CNTN6: variants seen among roughly 807,000 people sequenced by gnomAD.
CNTN6 encodes the protein contactin 6.
A neutral mutation model predicts 122.8 loss-of-function variants in CNTN6; 137 were observed. The observed-to-expected ratio is 1.12, with a 90% confidence interval of 0.97 to 1.29. The LOEUF (loss-of-function observed/expected upper bound fraction) is 1.29. CNTN6 is among the 50% of genes most tolerant of loss of function. The pLI is 0.00. For synonymous variants in CNTN6, 570 were observed against 426.0 expected (o/e 1.34, Z -4.16); for missense variants, 1,634 against 1,223.4 (o/e 1.34, Z -5.01).
chr3:1,277,073 A>C (rs1210848636), intron 4 of CNTN6, among the ~76,000 whole-genome samples: 1 of 152,176 alleles, frequency 6.6e-6, no homozygotes, highest in Non-Finnish European at 1.5e-5. Flanking sequence ...GCTGCAAAGA[A>C]ATCTGGGAAA....
At chr3:1,260,142 A>G (rs776244678) in intron 4 of CNTN6, among the ~76,000 whole-genome samples, 1 of 152,192 alleles carries the variant, frequency 6.6e-6, no homozygotes, top group Non-Finnish European at 1.5e-5. Flanking sequence ...ATTTGCTGAT[A>G]GAAAGACAAC....
chr3:1,322,034 A>T (rs537732625), intron 8 of CNTN6, among the ~76,000 whole-genome samples, 200 bp downstream of exon 8: 1 of 151,834 alleles, frequency 6.6e-6, no homozygotes, highest in East Asian at 1.9e-4. Flanking sequence ...AGCATGGTCT[A>T]TGAATGCTAT....
At chr3:1,301,122 C>T (rs577944050) in intron 7 of CNTN6, among the ~76,000 whole-genome samples, 36 of 149,752 alleles carry the variant, frequency 2.4e-4, no homozygotes, top group South Asian at 2.1e-4. Context: ...CTGCAACCTC[C>T]GCGTCCCCGG....
intron 4 of CNTN6, among the ~76,000 whole-genome samples, chr3:1,277,929 G>T (rs187864988): frequency 1.8e-4 from 28 of 152,116 alleles, no homozygotes; most frequent in Admixed American, 1.8e-3. Context: ...AGAGAAAATT[G>T]AAAATACACT....
chr3:1,268,994 TA>T (rs945665539), intron 4 of CNTN6, among the ~76,000 whole-genome samples: 38 of 152,174 alleles, frequency 2.5e-4, no homozygotes, highest in Middle Eastern at 6.8e-3. Context: ...AGTTATAAAA[TA>T]AATAAAATAA....
At chr3:1,148,486 AT>A (rs2092771336) in intron 2 of CNTN6, among the ~76,000 whole-genome samples, 1 of 152,096 alleles carries the variant, frequency 6.6e-6, no homozygotes, top group Non-Finnish European at 1.5e-5. Flanking sequence ...AGAAATTGAT[AT>A]GGCAAAAAAA....
At position 1,268,679 on chromosome 3, in the gene CNTN6, T is replaced by A. The variant is rs147338650; in HGVS notation, c.359-9734T>A. 6.9e-3 allele frequency among the ~76,000 whole-genome samples: 1,043 copies of A among 151,852 alleles called. 10 individuals are homozygous for A. The highest frequency in any genetic ancestry group is 0.024 in the African/African-American group (1,000 of 41,350). On this transcript the variant is annotated intron_variant, in intron 4 of 22. Coordinates refer to ENST00000446702, the MANE Select transcript of CNTN6 (RefSeq NM_001289080.2). ...AAATTCACATATTTTTGACTTTAGG[T>A]CTCCTTTTTGTTTTTTTCCATTCAT...
At chr3:1,289,961 A>ACC (rs1419486356) in intron 5 of CNTN6, among the ~76,000 whole-genome samples, 62 of 152,198 alleles carry the variant, frequency 4.1e-4, no homozygotes, top group African/African-American at 1.3e-3. Flanking sequence ...GGCGTGAGCC[A>ACC]ATGCGCCCGG....
chr3:1,249,792 T>A (rs1377500610), intron 4 of CNTN6, among the ~76,000 whole-genome samples: 1 of 152,218 alleles, frequency 6.6e-6, no homozygotes, highest in Non-Finnish European at 1.5e-5. Flanking sequence ...GGTATGTCCC[T>A]TGAGCACAAA....
chr3:1,145,048 T>C (rs922361753), intron 1 of CNTN6, among the ~76,000 whole-genome samples: 6 of 152,198 alleles, frequency 3.9e-5, no homozygotes, highest in Non-Finnish European at 7.3e-5. Flanking sequence ...GGTCTATGTG[T>C]ATTATAACCC....
At chr3:1,243,183 G>A (rs2094511181) in intron 4 of CNTN6, among the ~76,000 whole-genome samples, 1 of 152,140 alleles carries the variant, frequency 6.6e-6, no homozygotes, top group African/African-American at 2.4e-5. Flanking sequence ...GATTTTCAGT[G>A]GGTTCCTGCA....
At chr3:1,158,356 A>C (rs1319495606) in intron 2 of CNTN6, among the ~76,000 whole-genome samples, 4 of 151,974 alleles carry the variant, frequency 2.6e-5, no homozygotes, top group Non-Finnish European at 5.9e-5. Flanking sequence ...TATTCAAATC[A>C]TTTGCCCATT....
At chr3:1,241,833 A>G (rs890676516) in intron 4 of CNTN6, among the ~76,000 whole-genome samples, 2 of 152,134 alleles carry the variant, frequency 1.3e-5, no homozygotes, top group African/African-American at 4.8e-5. Context: ...GGCCTGGAGG[A>G]CTGATAAAGT....
chr3:1,400,365 G>A (rs1430823159), intron 20 of CNTN6, among the ~76,000 whole-genome samples: 1 of 152,022 alleles, frequency 6.6e-6, no homozygotes, highest in East Asian at 1.9e-4. Flanking sequence ...TTGGATAAGT[G>A]ACTTCCCAAC....
At chr3:1,140,674 T>C (rs1356345404) in intron 1 of CNTN6, among the ~76,000 whole-genome samples, 2 of 152,174 alleles carry the variant, frequency 1.3e-5, no homozygotes, top group Non-Finnish European at 2.9e-5. Context: ...TCTTGATGAC[T>C]GAGTTAAGTT....
chr3:1,338,934 T>C (rs567798067), intron 11 of CNTN6, among the ~76,000 whole-genome samples: 12 of 151,904 alleles, frequency 7.9e-5, no homozygotes, highest in Middle Eastern at 3.4e-3. Flanking sequence ...AAAAAATAAA[T>C]AAAAATAAAT....
At chr3:1,388,372 TAACA>T (rs1368169053) in intron 20 of CNTN6, among the ~76,000 whole-genome samples, 1 of 148,570 alleles carries the variant, frequency 6.7e-6, no homozygotes, top group Admixed American at 6.8e-5. Flanking sequence ...GAAGGAAAAC[TAACA>T]AACAGAAAGG....
chr3:1,106,257 AC>A (rs1196467107), intron 1 of CNTN6, among the ~76,000 whole-genome samples: 2 of 151,932 alleles, frequency 1.3e-5, no homozygotes, highest in African/African-American at 4.8e-5. Flanking sequence ...TTCTTCAAAA[AC>A]CCTCCCCAAA....
chr3:1,298,887 T>C (rs1696737081), intron 7 of CNTN6, among the ~76,000 whole-genome samples: 1 of 152,156 alleles, frequency 6.6e-6, no homozygotes, highest in Non-Finnish European at 1.5e-5. Context: ...AGGGCTTACC[T>C]CTAAATCCAA....
Sources: gnomAD v4.1 joint callset for allele counts (sites outside exome capture counted in the v4.1 genomes callset) on GRCh38, gnomAD v4.1.1 for gene constraint, MANE v1.5 for transcripts, NCBI Gene and HGNC (gene_info 2026-07-23, HGNC 2026-07-21) for gene names.